TIAM1: variants seen among roughly 807,000 people sequenced by gnomAD.
The protein encoded by TIAM1 is TIAM Rac1 associated GEF 1.
A neutral mutation model predicts 163.5 loss-of-function variants in TIAM1; 65 were observed. The observed-to-expected ratio is 0.40, with a 90% CI of 0.33 to 0.49. The LOEUF (loss-of-function observed/expected upper bound fraction) is 0.49. Ranked by LOEUF, TIAM1 falls within the 20% of genes least tolerant of loss-of-function variation. The probability of loss-of-function intolerance (pLI) is 0.77; values close to 1 mark genes in which losing one functional copy is unlikely to be tolerated. For missense variants in TIAM1, 1,789 were observed against 2,044.7 expected (o/e 0.87, Z 2.41); for synonymous variants, 833 against 810.1 (o/e 1.03, Z -0.48).
intron 1 of TIAM1, among the ~76,000 whole-genome samples, chr21:31,342,623 G>A (rs2076055043): frequency 6.6e-6 from 1 of 152,204 alleles, no homozygotes; most frequent in Admixed American, 6.5e-5. Context: ...TTCCTGTTGA[G>A]TGAGTTACTA....
At chr21:31,200,989 C>A (rs1277078522) in intron 12 of TIAM1, among the ~76,000 whole-genome samples, 1 of 152,042 alleles carries the variant, frequency 6.6e-6, no homozygotes, top group Non-Finnish European at 1.5e-5. Context: ...AATTGTAGAT[C>A]CAAACAGACT....
intron 2 of TIAM1, among the ~76,000 whole-genome samples, chr21:31,449,854 G>A (rs1569341300): frequency 6.6e-6 from 1 of 152,194 alleles, no homozygotes; most frequent in Non-Finnish European, 1.5e-5. Context: ...GGTCCCTGCA[G>A]ATTGACCAAG....
At chr21:31,185,087 TA>T (rs1284659747) in intron 14 of TIAM1, among the ~76,000 whole-genome samples, 1 of 152,130 alleles carries the variant, frequency 6.6e-6, no homozygotes, top group Non-Finnish European at 1.5e-5. Context: ...AGATGCAAGG[TA>T]AGTACATCTA....
At chr21:31,531,589 G>C (rs2047971978) in intron 1 of TIAM1, among the ~76,000 whole-genome samples, 1 of 152,052 alleles carries the variant, frequency 6.6e-6, no homozygotes, top group African/African-American at 2.4e-5. Context: ...ATTATAGAAG[G>C]GAATGAGATG....
At position 31,535,805 on chromosome 21, in the gene TIAM1, G is replaced by A. The variant is rs116829735; in HGVS notation, c.-422+23122C>T. Reference sequence around the variant, plus strand: ...GACATCCAGCACTGGCACATCCACCGTGTGACACTTGGGACATCACTCAAC... The same window carrying A: ...GACATCCAGCACTGGCACATCCACCATGTGACACTTGGGACATCACTCAAC... On this transcript the variant is annotated intron_variant, in intron 1 of 28. Transcript: ENST00000286827. Among the ~76,000 whole-genome samples, 161 of 152,198 alleles carry A rather than the reference G, an allele frequency of 1.1e-3. 2 individuals are homozygous for A. Among genetic ancestry groups the A allele is most frequent in the African/African-American group, 3.3e-3 (135 of 41,526 alleles).
intron 12 of TIAM1, among the ~76,000 whole-genome samples, chr21:31,199,223 C>T (rs978350743): frequency 3.9e-5 from 6 of 152,178 alleles, no homozygotes; most frequent in Non-Finnish European, 8.8e-5. Flanking sequence ...GCCACCGTCA[C>T]GCTCTTGCCT....
rs76138711 is a variant in TIAM1, at chr21:31,337,339, G to A, written c.-189+1904C>T. On this transcript the variant is annotated intron_variant, in intron 2 of 27. Coordinates refer to ENST00000541036, the MANE Select transcript of TIAM1 (RefSeq NM_001353694.2). ...CTGGGGGTATAGAGACTACCAGGTAGTTGGCCAAAGGGAATCCAGCCCCTA... is the reference window on the plus strand; with the variant it reads ...CTGGGGGTATAGAGACTACCAGGTAATTGGCCAAAGGGAATCCAGCCCCTA... Among the ~76,000 whole-genome samples, 1,164 of 152,042 alleles carry A rather than the reference G, an allele frequency of 7.7e-3. 14 individuals are homozygous for A. The highest frequency in any genetic ancestry group is 0.027 in the African/African-American group (1,117 of 41,444).
intron 2 of TIAM1, among the ~76,000 whole-genome samples, chr21:31,454,328 T>C (rs897615945): frequency 2.0e-5 from 3 of 152,230 alleles, no homozygotes; most frequent in Middle Eastern, 6.3e-3. Flanking sequence ...CATGTATTAC[T>C]GTTGTAAGAT....
chr21:31,496,103 G>A (rs955891435), intron 1 of TIAM1, among the ~76,000 whole-genome samples: 1 of 152,152 alleles, frequency 6.6e-6, no homozygotes, highest in Admixed American at 6.5e-5. Flanking sequence ...GAGTATGTCC[G>A]TATCTTGGTT....
At chr21:31,190,501 T>C (rs2085505604) in intron 13 of TIAM1, among the ~76,000 whole-genome samples, 1 of 152,050 alleles carries the variant, frequency 6.6e-6, no homozygotes, top group African/African-American at 2.4e-5. Context: ...AATAGAGAAT[T>C]ACTCAAAACT....
rs73902338 is a variant in TIAM1 at position 31,434,359 on chromosome 21, G to A, written c.-369+29624C>T. ...GCATTACGATCTGCCCCAGTGTCCC[G>A]GCTGCTAGGCCTTAGCACAGGGAGA... On this transcript the variant is annotated intron_variant, in intron 2 of 28. Coordinates refer to the TIAM1 transcript ENST00000286827. Among the ~76,000 whole-genome samples the A allele has an allele frequency of 2.6e-3, 401 of 152,258 alleles. 1 individual carries two copies. Among genetic ancestry groups the A allele is most frequent in the African/African-American group, 9.0e-3 (375 of 41,548 alleles).
intron 8 of TIAM1, among the ~76,000 whole-genome samples, chr21:31,221,218 A>C (rs1479275264): frequency 6.6e-6 from 1 of 152,226 alleles, no homozygotes; most frequent in Non-Finnish European, 1.5e-5. Flanking sequence ...CTAAAGCAAC[A>C]AATAGGAACA....
intron 4 of TIAM1, among the ~76,000 whole-genome samples, chr21:31,262,952 T>A (rs1573461): frequency 0.33 from 28,266 of 85,974 alleles, 3,151 homozygotes; most frequent in East Asian, 0.6. Context: ...AAGAAAAAAA[T>A]TTTTTTTTAA....
intron 2 of TIAM1, among the ~76,000 whole-genome samples, chr21:31,414,800 C>T (rs75221450): frequency 4.7e-4 from 71 of 152,334 alleles, no homozygotes; most frequent in Middle Eastern, 3.4e-3. Context: ...GGAAGAGGAA[C>T]TGGAAAAAGG....
intron 23 of TIAM1, among the ~76,000 whole-genome samples, chr21:31,135,580 G>A (rs768351297): frequency 1.3e-5 from 2 of 151,668 alleles, no homozygotes; most frequent in Non-Finnish European, 2.9e-5. Context: ...ATTTTGTCTT[G>A]ATTTTTCACT....
Position 31,211,455 on chromosome 21 carries a change from T to C in TIAM1, c.2218-1240A>G, listed in dbSNP as rs1373280223. On this transcript the variant is annotated intron_variant, in intron 10 of 27. Transcript: ENST00000541036. ...TATAACCAGGCCACTAGTTGGTAAA[T>C]ATGTATCTACTGATGACCAAGAACA... is the stretch of plus-strand genomic sequence containing the variant. Among the ~76,000 whole-genome samples, 4 of 152,190 alleles carry C rather than the reference T, an allele frequency of 2.6e-5. No individual in the cohort carries two copies. In the South Asian group the frequency reaches 6.2e-4, roughly 24 times the overall value.
intron 15 of TIAM1, among the ~76,000 whole-genome samples, chr21:31,173,997 A>G: frequency 6.6e-6 from 1 of 152,174 alleles, no homozygotes; most frequent in East Asian, 1.9e-4. Flanking sequence ...CCGACAGTTT[A>G]CGAGGCGCGC....
rs188062169 is a variant in TIAM1, at chr21:31,312,617, G to A, written c.-189+26626C>T. On this transcript the variant is annotated intron_variant, in intron 2 of 27. Coordinates refer to ENST00000541036, the MANE Select transcript of TIAM1 (RefSeq NM_001353694.2). The stretch of plus-strand genomic sequence containing the variant: ...AAGGAAAAAAATCTGAGCCTTATCC[G>A]TATGAAGGTGTTTTCACTGAATCCA... Among the ~76,000 whole-genome samples, 11 of 152,236 alleles carry A rather than the reference G, an allele frequency of 7.2e-5. No homozygotes were observed. The South Asian group carries it at 1.0e-3, about 14-fold the overall frequency.
chr21:31,301,692 T>G (rs1405554528), intron 2 of TIAM1, among the ~76,000 whole-genome samples: 1 of 151,786 alleles, frequency 6.6e-6, no homozygotes, highest in Non-Finnish European at 1.5e-5. Context: ...ATATAAAAAT[T>G]AGCTGGGCAT....
Sources: allele counts gnomAD v4.1 joint callset (sites outside exome capture counted in the v4.1 genomes callset), GRCh38; gene constraint gnomAD v4.1.1; transcripts MANE v1.5; gene names NCBI Gene and HGNC (gene_info 2026-07-23, HGNC 2026-07-21).